The following RFC1 variants were observed in gnomAD, a reference collection of about 807,000 sequenced individuals.
RFC1 encodes the protein A1 140 kDa subunit.
Under a neutral mutation model 137.4 loss-of-function variants are expected in RFC1, and 37 were observed. The observed-to-expected ratio is 0.27, with a 90% confidence interval of 0.21 to 0.35. The LOEUF (loss-of-function observed/expected upper bound fraction) is 0.35, where lower values mean the gene tolerates loss of function less well. RFC1 is among the 10% of genes least tolerant of loss of function. The probability of loss-of-function intolerance (pLI) is 1.00; values close to 1 mark genes in which losing one functional copy is unlikely to be tolerated. For synonymous variants in RFC1, 429 were observed against 455.7 expected, an observed-to-expected ratio of 0.94 and a Z score of 0.75; for missense variants, 1,205 against 1,358.5, an observed-to-expected ratio of 0.89 and a Z score of 1.78.
chr4:39,298,918 AC>A (rs1388067758), intron 21 of RFC1, among the ~76,000 whole-genome samples: 1 of 152,180 alleles, frequency 6.6e-6, no homozygotes, highest in Non-Finnish European at 1.5e-5. Flanking sequence ...GGAGATTAAG[AC>A]CATCCTGGCC....
At chr4:39,299,037 T>C (rs952217846) in intron 21 of RFC1, among the ~76,000 whole-genome samples, 3 of 152,186 alleles carry the variant, frequency 2.0e-5, no homozygotes, top group African/African-American at 7.2e-5. Context: ...GTTGTGGGTT[T>C]ACGGGAATGA....
intron 4 of RFC1, among the ~76,000 whole-genome samples, chr4:39,335,604 C>T (rs545540107): frequency 6.6e-6 from 1 of 152,206 alleles, no homozygotes; most frequent in East Asian, 1.9e-4. Context: ...CACACAGGTA[C>T]CGAGTCCACT....
At chr4:39,289,266 C>T (rs1737536479) in intron 24 of RFC1, among the ~76,000 whole-genome samples, 2 of 152,040 alleles carry the variant, frequency 1.3e-5, no homozygotes, top group Non-Finnish European at 2.9e-5. Context: ...AGAGGAAGAC[C>T]ACCTGTTAGG....
chr4:39,306,351 C>A (rs753374760), intron 14 of RFC1, among the ~76,000 whole-genome samples: 1 of 152,156 alleles, frequency 6.6e-6, no homozygotes, highest in South Asian at 2.1e-4. Context: ...TAGTACACTG[C>A]CTCGCTCGTT....
At chr4:39,303,437 A>C (rs1163298636) in intron 15 of RFC1, among the ~76,000 whole-genome samples, 1 of 151,946 alleles carries the variant, frequency 6.6e-6, no homozygotes, top group Non-Finnish European at 1.5e-5. Flanking sequence ...TATGTGCATA[A>C]AAATATACAA....
At chr4:39,362,311 T>C (rs1741799830) in intron 1 of RFC1, among the ~76,000 whole-genome samples, 1 of 152,136 alleles carries the variant, frequency 6.6e-6, no homozygotes, top group Admixed American at 6.5e-5. Context: ...AAAATTCATA[T>C]AGAAATTCAA....
At chr4:39,334,016 C>T (rs1008480181) in intron 4 of RFC1, among the ~76,000 whole-genome samples, 5 of 151,878 alleles carry the variant, frequency 3.3e-5, no homozygotes, top group Non-Finnish European at 5.9e-5. Context: ...TAGGAAGGTA[C>T]GAGTAACTCT....
At chr4:39,312,612 G>T in intron 11 of RFC1, 140 bp downstream of exon 11, 1 of 801,574 alleles carries the variant, frequency 1.2e-6, no homozygotes, top group Non-Finnish European at 1.8e-6. Flanking sequence ...TAACACTTCT[G>T]TGGAGAAGAA....
chr4:39,322,026 A>G (rs1189555507), intron 7 of RFC1, among the ~76,000 whole-genome samples: 4 of 152,324 alleles, frequency 2.6e-5, no homozygotes, highest in African/African-American at 9.6e-5. Context: ...CTTTTGAAGT[A>G]ATCACATATT....
At chr4:39,301,846 A>T (rs1560592465) in intron 19 of RFC1, among the ~76,000 whole-genome samples, 1 of 152,206 alleles carries the variant, frequency 6.6e-6, no homozygotes, top group Non-Finnish European at 1.5e-5. Flanking sequence ...CTGCTTAATC[A>T]TTGCTCTAAC....
At chr4:39,289,753 G>T in intron 24 of RFC1, 95 bp downstream of exon 24, 1 of 800,408 alleles carries the variant, frequency 1.2e-6, no homozygotes, top group Non-Finnish European at 2.1e-6. Flanking sequence ...GTATTTTCAA[G>T]TTATTCTGCT....
intron 22 of RFC1, among the ~76,000 whole-genome samples, chr4:39,294,445 G>T (rs1357964993): frequency 1.3e-5 from 2 of 152,160 alleles, no homozygotes; most frequent in African/African-American, 4.8e-5. Flanking sequence ...GCCAAGGAGG[G>T]TGGACCACCT....
intron 12 of RFC1, 77 bp downstream of exon 12, chr4:39,311,368 T>C: frequency 8.5e-7 from 1 of 1,183,070 alleles, no homozygotes; most frequent in African/African-American, 1.5e-5. Context: ...AACAAGCCTG[T>C]ATCCACCCAA....
intron 4 of RFC1, among the ~76,000 whole-genome samples, chr4:39,339,163 T>C (rs1158255114): frequency 9.2e-5 from 14 of 152,204 alleles, no homozygotes. Flanking sequence ...ACACTTAAGT[T>C]GTTTCCATAT....
rs1269952586 is a variant in RFC1, at chr4:39,291,726, A to G, written c.3081T>C (p.Tyr1027=). 3 of 1,614,044 alleles carry G rather than the reference A, an allele frequency of 1.9e-6. No homozygotes were observed. The highest frequency in any genetic ancestry group is 2.2e-5 in the South Asian group (2 of 91,082). Residue 1027 remains tyrosine, a synonymous_variant, in exon 23 of 25, where the codon TAT becomes TAC. Coordinates refer to ENST00000349703, the MANE Select transcript of RFC1 (RefSeq NM_002913.5). ...TCTCAAAGTCTTCTTTCATCAAATA[A>G]TATGTGTCCATAAGTGCAACAACAT... ...VQDVVALMDT[Y]YLMKEDFENI...
intron 1 of RFC1, among the ~76,000 whole-genome samples, chr4:39,352,951 A>G (rs1741278956): frequency 1.3e-5 from 2 of 152,316 alleles, no homozygotes; most frequent in South Asian, 4.1e-4. Flanking sequence ...AAGTGTTAAG[A>G]AAAGTTAGCA....
At chr4:39,359,103 G>A (rs1032666562) in intron 1 of RFC1, among the ~76,000 whole-genome samples, 1 of 152,060 alleles carries the variant, frequency 6.6e-6, no homozygotes, top group Admixed American at 6.6e-5. Context: ...ACCCAAAACA[G>A]AAACATGGCC....
At chr4:39,294,042 GCA>G (rs1737841123) in intron 22 of RFC1, among the ~76,000 whole-genome samples, 1 of 152,144 alleles carries the variant, frequency 6.6e-6, no homozygotes. Flanking sequence ...TGTGATAACT[GCA>G]CAGATAATCC....
intron 4 of RFC1, among the ~76,000 whole-genome samples, chr4:39,330,142 G>A (rs751082057): frequency 5.9e-5 from 9 of 152,112 alleles, no homozygotes; most frequent in Non-Finnish European, 1.3e-4. Flanking sequence ...CATATGAGTG[G>A]CTCCTATGTC....
Sources: allele counts gnomAD v4.1 joint callset (sites outside exome capture counted in the v4.1 genomes callset), GRCh38; gene constraint gnomAD v4.1.1; transcripts MANE v1.5; gene names NCBI Gene and HGNC (gene_info 2026-07-23, HGNC 2026-07-21).